CACNA1E: variants seen among roughly 807,000 people sequenced by gnomAD.
CACNA1E encodes the protein voltage-dependent R-type calcium channel subunit alpha-1E.
CACNA1E carries 40 observed loss-of-function variants against 259.2 expected under a neutral mutation model. The observed-to-expected ratio is 0.15, with a 90% CI of 0.12 to 0.20. The LOEUF is 0.20. Ranked by LOEUF, CACNA1E falls within the 10% of genes least tolerant of loss-of-function variation. The pLI, the probability that CACNA1E is intolerant of heterozygous loss-of-function variation, is 1.00. For missense variants in CACNA1E, 1,874 were observed against 3,040.1 expected, an observed-to-expected ratio of 0.62 and a Z score of 9.02; for synonymous variants, 1,104 against 1,138.5, an observed-to-expected ratio of 0.97 and a Z score of 0.61.
chr1:181,734,119 T>C (rs1655799609), intron 21 of CACNA1E, among the ~76,000 whole-genome samples: 1 of 152,148 alleles, frequency 6.6e-6, no homozygotes, highest in South Asian at 2.1e-4. Context: ...GAGCCTCTGA[T>C]GGAGTGGACC....
rs372777368 is a variant in CACNA1E, at chr1:181,333,109, C to T, written c.-15+14986C>T. 1.5e-3 allele frequency among the ~76,000 whole-genome samples: 231 copies of T among 152,264 alleles called. 1 individual carries two copies. Among genetic ancestry groups the T allele is most frequent in the Non-Finnish European group, 2.9e-3 (194 of 68,022 alleles). ...CTACCTACACCTTGAAGGAAAGGGGCTCCCTTCATCAGCTGTGGGCCCAGA... is the reference window on the plus strand; with the variant it reads ...CTACCTACACCTTGAAGGAAAGGGGTTCCCTTCATCAGCTGTGGGCCCAGA... On this transcript the variant is annotated intron_variant, in intron 1 of 11. Coordinates refer to the CACNA1E transcript ENST00000524607.
At chr1:181,657,587 T>C (rs1389867454) in intron 7 of CACNA1E, among the ~76,000 whole-genome samples, 1 of 152,188 alleles carries the variant, frequency 6.6e-6, no homozygotes, top group African/African-American at 2.4e-5. Context: ...AATTAAATTT[T>C]AAAGTAAAAA....
At chr1:181,684,749 C>T (rs1346991490) in intron 7 of CACNA1E, among the ~76,000 whole-genome samples, 3 of 152,116 alleles carry the variant, frequency 2.0e-5, no homozygotes, top group Non-Finnish European at 2.9e-5. Flanking sequence ...TTCCCTATTG[C>T]TTCTTATTGT....
intron 7 of CACNA1E, among the ~76,000 whole-genome samples, chr1:181,655,189 A>C (rs993273490): frequency 6.6e-6 from 1 of 152,138 alleles, no homozygotes; most frequent in Non-Finnish European, 1.5e-5. Flanking sequence ...GATAATTTTT[A>C]TAGCAGGGTG....
At chr1:181,797,189 C>A (rs773036686) in intron 47 of CACNA1E, among the ~76,000 whole-genome samples, 16 of 152,166 alleles carry the variant, frequency 1.1e-4, no homozygotes, top group Non-Finnish European at 1.9e-4. Flanking sequence ...TTTCCTTTGG[C>A]CATCTTGTGA....
At chr1:181,631,012 G>A (rs547218544) in intron 6 of CACNA1E, among the ~76,000 whole-genome samples, 1 of 152,294 alleles carries the variant, frequency 6.6e-6, no homozygotes, top group African/African-American at 2.4e-5. Flanking sequence ...CAGCTGGAAG[G>A]CCTGGCTGGC....
At chr1:181,571,345 G>T (rs1028187621) in intron 3 of CACNA1E, among the ~76,000 whole-genome samples, 5 of 152,184 alleles carry the variant, frequency 3.3e-5, no homozygotes, top group Non-Finnish European at 5.9e-5. Context: ...CAAGGAGGAA[G>T]TAGAATGTCA....
At chr1:181,422,352 G>A (rs895050624) in intron 2 of CACNA1E, among the ~76,000 whole-genome samples, 7 of 152,178 alleles carry the variant, frequency 4.6e-5, no homozygotes, top group South Asian at 4.1e-4. Flanking sequence ...TGAATGTTCC[G>A]TAACAGTGGC....
At chr1:181,653,545 A>G (rs1658941064) in intron 7 of CACNA1E, among the ~76,000 whole-genome samples, 1 of 152,196 alleles carries the variant, frequency 6.6e-6, no homozygotes, top group African/African-American at 2.4e-5. Context: ...CAGCACGAAA[A>G]TGGACTAATA....
chr1:181,398,585 C>T (rs1017358745), intron 1 of CACNA1E, among the ~76,000 whole-genome samples: 24 of 152,168 alleles, frequency 1.6e-4, no homozygotes, highest in African/African-American at 5.3e-4. Context: ...TGATTCAAAG[C>T]GCAGGAACTC....
intron 15 of CACNA1E, among the ~76,000 whole-genome samples, 198 bp from the exon 16 acceptor site, chr1:181,721,560 G>T (rs928836233): frequency 2.6e-5 from 4 of 151,914 alleles, no homozygotes; most frequent in Non-Finnish European, 4.4e-5. Flanking sequence ...CATTTTCAAT[G>T]CCTAAAATTC....
At chr1:181,611,177 C>T (rs1478887402) in intron 6 of CACNA1E, among the ~76,000 whole-genome samples, 1 of 152,186 alleles carries the variant, frequency 6.6e-6, no homozygotes, top group African/African-American at 2.4e-5. Flanking sequence ...TTGTCCTTTC[C>T]CTTAGAACCT....
chr1:181,676,274 T>C (rs778373180), intron 7 of CACNA1E, among the ~76,000 whole-genome samples: 4 of 152,218 alleles, frequency 2.6e-5, no homozygotes, highest in Admixed American at 6.5e-5. Flanking sequence ...TATTTATTAT[T>C]AAAAGTGTAT....
chr1:181,751,398 GCT>G (rs1158679983), intron 26 of CACNA1E, among the ~76,000 whole-genome samples: 1 of 152,186 alleles, frequency 6.6e-6, no homozygotes, highest in African/African-American at 2.4e-5. Context: ...CAGTTGAGTG[GCT>G]CTCTGCAGCC....
intron 1 of CACNA1E, among the ~76,000 whole-genome samples, chr1:181,329,183 A>G (rs1018915670): frequency 2.6e-5 from 4 of 151,950 alleles, no homozygotes; most frequent in African/African-American, 9.7e-5. Flanking sequence ...AAGCCTGTCC[A>G]CCTTATCCCT....
intron 2 of CACNA1E, among the ~76,000 whole-genome samples, chr1:181,449,721 C>T (rs1661023884): frequency 6.6e-6 from 1 of 152,146 alleles, no homozygotes; most frequent in Non-Finnish European, 1.5e-5. Context: ...CCACAGATGA[C>T]CTTATGTGAA....
chr1:181,785,490 C>T (rs1203356940), intron 42 of CACNA1E, 72 bp downstream of exon 42: 6 of 1,102,700 alleles, frequency 5.4e-6, no homozygotes, highest in Non-Finnish European at 6.9e-6. Context: ...CCTGTGCCTC[C>T]CTGGGGCATA....
chr1:181,533,369 C>T (rs1249312794), intron 3 of CACNA1E, among the ~76,000 whole-genome samples: 1 of 149,296 alleles, frequency 6.7e-6, no homozygotes, highest in Non-Finnish European at 1.5e-5. Flanking sequence ...CTTCCCAACT[C>T]CACTGAGTGA....
chr1:181,787,737 TAG>T (rs1660967432), intron 43 of CACNA1E, among the ~76,000 whole-genome samples: 1 of 152,136 alleles, frequency 6.6e-6, no homozygotes, highest in Non-Finnish European at 1.5e-5. Context: ...TTTGAGGGTT[TAG>T]AGAGTCCTTC....
Sources: gnomAD v4.1 joint callset for allele counts (sites outside exome capture counted in the v4.1 genomes callset) on GRCh38, gnomAD v4.1.1 for gene constraint, MANE v1.5 for transcripts, NCBI Gene and HGNC (gene_info 2026-07-23, HGNC 2026-07-21) for gene names.